Variants in RAD51B observed in about 807,000 individuals in gnomAD.
RAD51B encodes DNA repair protein RAD51 homolog 2.
Under a neutral mutation model 42.2 loss-of-function variants are expected in RAD51B, and 38 were observed. The ratio of observed to expected loss-of-function variants is 0.90; its 90% confidence interval spans 0.70 to 1.18. The LOEUF is 1.18. RAD51B is among the 50% of genes most tolerant of loss of function. The pLI, the probability that RAD51B is intolerant of heterozygous loss-of-function variation, is 0.00. For missense variants in RAD51B, 373 were observed against 400.7 expected (o/e 0.93, Z 0.59); for synonymous variants, 154 against 145.2 (o/e 1.06, Z -0.43).
intron 9 of RAD51B, among the ~76,000 whole-genome samples, chr14:68,458,457 A>C (rs1257539048): frequency 6.6e-6 from 1 of 152,162 alleles, no homozygotes; most frequent in Non-Finnish European, 1.5e-5. Context: ...GATCAGAAAA[A>C]ATTAATATTT....
At chr14:68,582,684 C>G (rs913340532) in intron 10 of RAD51B, among the ~76,000 whole-genome samples, 9 of 152,200 alleles carry the variant, frequency 5.9e-5, no homozygotes, top group Non-Finnish European at 1.2e-4. Context: ...AATCATTCTG[C>G]TATAAAGACA....
rs557299718 is a variant in RAD51B at position 68,420,236 on chromosome 14, G to A, written c.957+8709G>A. ...GATGTAAGATGGTGGTTGTGTTACC[G>A]GAAAGGGATCTCAATCCAGACCCCA... On this transcript the variant is annotated intron_variant, in intron 9 of 10. Transcript: ENST00000471583. 1.3e-3 allele frequency among the ~76,000 whole-genome samples: 202 copies of A among 152,250 alleles called. 1 individual carries two copies. Among genetic ancestry groups the A allele is most frequent in the African/African-American group, 4.3e-3 (177 of 41,550 alleles).
chr14:68,655,828 T>C (rs554890172), intron 11 of RAD51B, among the ~76,000 whole-genome samples: 1 of 152,284 alleles, frequency 6.6e-6, no homozygotes, highest in East Asian at 1.9e-4. Flanking sequence ...GGCGGGGTCT[T>C]TTCTCTCTGT....
intron 7 of RAD51B, among the ~76,000 whole-genome samples, chr14:67,957,449 T>C (rs2074574370): frequency 6.6e-6 from 1 of 152,206 alleles, no homozygotes; most frequent in African/African-American, 2.4e-5. Flanking sequence ...TTCCATCTAT[T>C]TGGGGAGCTT....
At chr14:68,376,531 T>C (rs1438860678) in intron 8 of RAD51B, among the ~76,000 whole-genome samples, 1 of 152,194 alleles carries the variant, frequency 6.6e-6, no homozygotes, top group East Asian at 1.9e-4. Context: ...ATGCCCTCTG[T>C]GTGGGTTACA....
chr14:68,128,845 A>T (rs117879715), intron 7 of RAD51B, among the ~76,000 whole-genome samples: 4 of 152,212 alleles, frequency 2.6e-5, no homozygotes, highest in African/African-American at 9.7e-5. Context: ...CTCTATTTTA[A>T]AAGAGTTAAC....
chr14:68,061,053 C>CA (rs2076558992), intron 7 of RAD51B, among the ~76,000 whole-genome samples: 2 of 101,290 alleles, frequency 2.0e-5, no homozygotes, highest in Non-Finnish European at 3.9e-5. Context: ...TATTTGAGGT[C>CA]TTTTTTTTTT....
At chr14:68,060,007 C>A (rs1234611272) in intron 7 of RAD51B, among the ~76,000 whole-genome samples, 1 of 152,102 alleles carries the variant, frequency 6.6e-6, no homozygotes, top group Non-Finnish European at 1.5e-5. Flanking sequence ...AGATTCAGTG[C>A]CAGAAAGGCA....
At chr14:68,376,142 T>TA (rs1256466799) in intron 8 of RAD51B, among the ~76,000 whole-genome samples, 1 of 152,188 alleles carries the variant, frequency 6.6e-6, no homozygotes, top group East Asian at 1.9e-4. Flanking sequence ...TTACAGCTCT[T>TA]ATGATTGTTC....
intron 9 of RAD51B, among the ~76,000 whole-genome samples, chr14:68,426,014 T>TTCTC (rs2084837045): frequency 1.4e-5 from 2 of 146,344 alleles, no homozygotes; most frequent in Admixed American, 6.8e-5. Flanking sequence ...CTTCCTTTCT[T>TTCTC]TCTTTCTTTC....
intron 8 of RAD51B, among the ~76,000 whole-genome samples, chr14:68,352,605 A>G (rs2082813567): frequency 6.6e-6 from 1 of 152,212 alleles, no homozygotes; most frequent in South Asian, 2.1e-4. Context: ...AGGTGTTACA[A>G]ACTATTTCCT....
intron 7 of RAD51B, among the ~76,000 whole-genome samples, chr14:68,053,751 G>T (rs2076430773): frequency 6.6e-6 from 1 of 152,154 alleles, no homozygotes; most frequent in Non-Finnish European, 1.5e-5. Flanking sequence ...GTACCTGAAT[G>T]TATTATCTTG....
intron 7 of RAD51B, among the ~76,000 whole-genome samples, chr14:67,975,363 C>G (rs2074973548): frequency 6.6e-6 from 1 of 152,040 alleles, no homozygotes; most frequent in African/African-American, 2.4e-5. Flanking sequence ...CCAGTTGTGA[C>G]TCTCATTGGC....
chr14:68,083,416 C>T (rs1444111149), intron 7 of RAD51B, among the ~76,000 whole-genome samples: 3 of 152,008 alleles, frequency 2.0e-5, no homozygotes, highest in Admixed American at 2.0e-4. Context: ...GATGATATTG[C>T]CTGGAGCACA....
intron 7 of RAD51B, among the ~76,000 whole-genome samples, chr14:68,158,092 A>G (rs555851176): frequency 6.6e-6 from 1 of 152,160 alleles, no homozygotes; most frequent in East Asian, 1.9e-4. Flanking sequence ...GTGGCAGACT[A>G]TTCTCACCAC....
intron 3 of RAD51B, 33 bp from the exon 4 acceptor site, chr14:67,835,047 G>A: frequency 6.7e-7 from 1 of 1,498,158 alleles, no homozygotes; most frequent in South Asian, 1.1e-5. Context: ...ATATATAGAG[G>A]TTGAAAAAAA....
intron 10 of RAD51B, among the ~76,000 whole-genome samples, chr14:68,578,470 A>G (rs1444445209): frequency 6.6e-6 from 1 of 152,216 alleles, no homozygotes; most frequent in African/African-American, 2.4e-5. Flanking sequence ...GGATGATATG[A>G]CATGGCAGCT....
intron 9 of RAD51B, among the ~76,000 whole-genome samples, chr14:68,460,887 A>G (rs190814327): frequency 6.6e-6 from 1 of 152,196 alleles, no homozygotes; most frequent in East Asian, 1.9e-4. Flanking sequence ...AGGGAACCAG[A>G]TAAGTCCTAA....
chr14:68,385,377 T>G (rs1469851099), intron 8 of RAD51B, among the ~76,000 whole-genome samples: 2 of 152,142 alleles, frequency 1.3e-5, no homozygotes, highest in African/African-American at 4.8e-5. Context: ...AGCACTCTCT[T>G]CCCTTCCGGC....
Sources: gnomAD v4.1 joint callset for allele counts (sites outside exome capture counted in the v4.1 genomes callset) on GRCh38, gnomAD v4.1.1 for gene constraint, MANE v1.5 for transcripts, NCBI Gene and HGNC (gene_info 2026-07-23, HGNC 2026-07-21) for gene names.